DLEC1: variants seen among roughly 807,000 people sequenced by gnomAD.
DLEC1 encodes the protein deleted in lung and esophageal cancer protein 1.
DLEC1 carries 146 observed loss-of-function variants against 198.1 expected under a neutral mutation model. The ratio of observed to expected loss-of-function variants is 0.74; its 90% CI spans 0.64 to 0.85. The LOEUF is 0.85. DLEC1 is among the 40% of genes least tolerant of loss of function. The pLI is 0.00. For missense variants in DLEC1, 2,233 were observed against 2,220.0 expected (o/e 1.01, Z -0.12); for synonymous variants, 897 against 866.8 (o/e 1.03, Z -0.61).
chr3:38,122,648 C>G lies in DLEC1; in HGVS notation c.*236C>G, dbSNP rs770258236. 5.4e-6 allele frequency: 8 copies of G among 1,485,322 alleles called. No individual in the cohort carries two copies. The East Asian group carries it at 1.4e-4, about 26-fold the overall frequency. 92.0% of individuals were successfully genotyped at this position (1,485,322 alleles called of 1,614,324 possible). On this transcript the variant is annotated 3_prime_UTR_variant, in exon 37 of 37. Coordinates refer to ENST00000308059, the MANE Select transcript of DLEC1 (RefSeq NM_007335.4). ...AGCAGAGACCACCACATTGAGATCA[C>G]TACTCAGTGCATAGCGAAGACCAGT...
chr3:38,080,312 T>G (rs921409100), intron 6 of DLEC1, among the ~76,000 whole-genome samples: 2 of 151,912 alleles, frequency 1.3e-5, no homozygotes, highest in African/African-American at 4.8e-5. Context: ...GGGACCTAGC[T>G]TGGCCTGGTG....
At chr3:38,114,569 C>A in intron 26 of DLEC1, 109 bp downstream of exon 26, 1 of 1,093,486 alleles carries the variant, frequency 9.1e-7, no homozygotes, top group Non-Finnish European at 1.4e-6. Flanking sequence ...GGCCTAGGGC[C>A]ATTGGTGCCA....
Position 38,112,625 on chromosome 3 carries a change from C to T in DLEC1, c.3666+264C>T, listed in dbSNP as rs1330938674. On this transcript the variant is annotated intron_variant, in intron 25 of 36. Coordinates refer to ENST00000308059, the MANE Select transcript of DLEC1 (RefSeq NM_007335.4). The surrounding 1 kb of genome is among the most constrained non-coding windows in gnomAD (Gnocchi z 4.8). ...AGGAGATGCAGGGCTGGGGCCATATCGAGGAGGGAAGAGGAGACAGTAGGC... is the reference window on the plus strand; with the variant it reads ...AGGAGATGCAGGGCTGGGGCCATATTGAGGAGGGAAGAGGAGACAGTAGGC... 6.6e-6 allele frequency among the ~76,000 whole-genome samples: 1 copy of T among 152,166 alleles called. No homozygotes were observed. The highest frequency in any genetic ancestry group is 1.5e-5 in the Non-Finnish European group (1 of 68,012).
At position 38,109,843 on chromosome 3, in the gene DLEC1, C is replaced by A. The variant is rs1288637943; in HGVS notation, c.3261-256C>A. On this transcript the variant is annotated intron_variant, in intron 22 of 36. Transcript: ENST00000308059. ...GGGCTGTAGGTACCCTGGGCTTGCC[C>A]ACATGAGGCCCAGCAACTGGGAGCC... The A allele has an allele frequency of 6.4e-5, 44 of 690,142 alleles. No homozygotes were observed. The East Asian group carries it at 1.2e-3, about 19-fold the overall frequency. 42.8% of individuals were successfully genotyped at this position (690,142 alleles called of 1,614,324 possible).
rs1432421385 is a variant in DLEC1 at position 38,117,224 on chromosome 3, C to T, written c.4322C>T (p.Pro1441Leu). 1.2e-6 allele frequency: 2 copies of T among 1,614,160 alleles called. No homozygotes were observed. Among genetic ancestry groups the T allele is most frequent in the African/African-American group, 1.3e-5 (1 of 75,046 alleles). The change falls in exon 31 of 37, where the codon CCA (proline) becomes CTA (leucine). Residue 1441 changes from proline to leucine, a missense_variant. Coordinates refer to ENST00000308059, the MANE Select transcript of DLEC1 (RefSeq NM_007335.4). Reference protein sequence around the residue: ...SLDSKVEREIPGKRHRLQDFA... With the variant: ...SLDSKVEREILGKRHRLQDFA... ...GCTCAGTAGGTGGAAAGGGAGATTC[C>T]AGGGAAGAGGCATCGCCTGCAGGAC...
In DLEC1 at chr3:38,039,489, C is replaced by A. The variant is rs79949013; in HGVS notation, c.264C>A (p.Arg88=). Residue 88 remains arginine (R), a synonymous_variant, in exon 1 of 37, where the codon CGC becomes CGA. Transcript: ENST00000308059. ...TTCGTCTGCGCCCCTCCTCGCTGCG[C>A]ACCCAAGATATCTCGCACTTGCTCA... ...QLLRLRPSSL[R]TQDISHLLTG... is the part of the protein sequence containing the mutation. 475 of 1,614,062 alleles carry A rather than the reference C, an allele frequency of 2.9e-4. 1 individual carries two copies. The African/African-American group carries it at 5.5e-3, about 19-fold the overall frequency.
intron 10 of DLEC1, among the ~76,000 whole-genome samples, chr3:38,088,756 G>A (rs934369368): frequency 1.3e-5 from 2 of 151,946 alleles, no homozygotes; most frequent in African/African-American, 4.8e-5. Context: ...CCTGATTATT[G>A]CGGTTATTGT....
intron 20 of DLEC1, 111 bp downstream of exon 20, chr3:38,107,848 T>G: frequency 1.6e-6 from 2 of 1,249,000 alleles, no homozygotes; most frequent in Non-Finnish European, 2.2e-6. Flanking sequence ...ATACTCAGCC[T>G]CCCTCCCACA....
chr3:38,079,261 G>C (rs957455511), intron 6 of DLEC1, among the ~76,000 whole-genome samples: 1 of 152,138 alleles, frequency 6.6e-6, no homozygotes, highest in African/African-American at 2.4e-5. Flanking sequence ...TAAGGGAACT[G>C]GGCAGGTGGG....
At chr3:38,107,063 C>G (rs1040664473) in intron 19 of DLEC1, among the ~76,000 whole-genome samples, 2 of 152,114 alleles carry the variant, frequency 1.3e-5, no homozygotes, top group African/African-American at 2.4e-5. Context: ...ATCAGTTTAC[C>G]TGAAGCAGAA....
chr3:38,097,319 G>C (rs1227097414), intron 16 of DLEC1, 44 bp downstream of exon 16: 2 of 1,552,934 alleles, frequency 1.3e-6, no homozygotes, highest in Non-Finnish European at 1.7e-6. Context: ...GCCTGGGGCT[G>C]GCTCAGGAAG....
intron 3 of DLEC1, among the ~76,000 whole-genome samples, 176 bp from the exon 4 acceptor site, chr3:38,061,993 A>G (rs1394878070): frequency 6.6e-6 from 1 of 152,244 alleles, no homozygotes; most frequent in Non-Finnish European, 1.5e-5. Flanking sequence ...AATACATAGA[A>G]TAAGTTCCAG....
At chr3:38,047,739 A>G (rs1238845293) in intron 2 of DLEC1, among the ~76,000 whole-genome samples, 1 of 152,140 alleles carries the variant, frequency 6.6e-6, no homozygotes, top group Admixed American at 6.5e-5. Flanking sequence ...GAGGTACATG[A>G]TATGTGGTTG....
In DLEC1 at chr3:38,045,668, C is replaced by T. The variant is rs146035754; in HGVS notation, c.537C>T (p.Leu179=). The T allele has an allele frequency of 7.8e-4, 1,255 of 1,613,236 alleles. 20 individuals are homozygous for T. The East Asian group carries it at 0.026, about 34-fold the overall frequency. Residue 179 remains leucine, a synonymous_variant, in exon 2 of 37, where the codon CTC becomes CTT. Coordinates refer to ENST00000308059, the MANE Select transcript of DLEC1 (RefSeq NM_007335.4). ...RVMSQAGVQD[L]ESLVRLPPVK... is the part of the protein sequence containing the mutation. ...TGAGCCAGGCTGGAGTACAGGACCT[C>T]GAGAGCCTTGTCAGGTTGCCTCCAG...
Position 38,109,532 on chromosome 3 carries a change from T to A in DLEC1, c.3230T>A (p.Ile1077Asn). The A allele has an allele frequency of 1.2e-6, 2 of 1,614,214 alleles. No homozygotes were observed. Among genetic ancestry groups the A allele is most frequent in the Non-Finnish European group, 1.7e-6 (2 of 1,180,028 alleles). ...SGKPQGLQVAITISKESSDCS... is the reference protein window; with the variant it reads ...SGKPQGLQVANTISKESSDCS... ...AAGCCCCAGGGACTGCAAGTGGCCA[T>A]TACCATCTCTAAGGAGAGCTCTGAT... is the stretch of plus-strand genomic sequence containing the variant. The change falls in exon 22 of 37, where the codon ATT becomes AAT. Residue 1077 changes from isoleucine (I) to asparagine (N), a missense_variant. Transcript: ENST00000308059.
chr3:38,106,048 T>C (rs1467584692), intron 19 of DLEC1, among the ~76,000 whole-genome samples: 1 of 152,266 alleles, frequency 6.6e-6, no homozygotes, highest in Admixed American at 6.5e-5. Flanking sequence ...GAAATGTTAC[T>C]GTAATATAGC....
chr3:38,092,733 C>T (rs754598345), intron 10 of DLEC1, 57 bp from the exon 11 acceptor site: 31 of 1,447,462 alleles, frequency 2.1e-5, no homozygotes, highest in Non-Finnish European at 2.5e-5. Flanking sequence ...GGGTGGGAGG[C>T]GGGGAGGGTG....
chr3:38,085,227 G>A, intron 7 of DLEC1, 47 bp from the exon 8 acceptor site: 1 of 1,605,038 alleles, frequency 6.2e-7, no homozygotes. Context: ...AAGCCCTGGT[G>A]GCTGGCTGCT....
chr3:38,097,073 A>T, intron 15 of DLEC1, 109 bp from the exon 16 acceptor site: 2 of 1,085,612 alleles, frequency 1.8e-6, no homozygotes, highest in Non-Finnish European at 2.7e-6. Flanking sequence ...ATTAGCCGGG[A>T]AGTGTCATAT....
Sources: gnomAD v4.1 joint callset for allele counts (sites outside exome capture counted in the v4.1 genomes callset) on GRCh38, gnomAD v4.1.1 for gene constraint, Gnocchi (gnomAD v3.1) non-coding constraint, MANE v1.5 for transcripts, NCBI Gene and HGNC (gene_info 2026-07-23, HGNC 2026-07-21) for gene names.